Variants in AHNAK observed in about 807,000 individuals in gnomAD.
The protein encoded by AHNAK is AHNAK nucleoprotein, also known as neuroblast differentiation-associated protein AHNAK.
AHNAK carries 23 observed loss-of-function variants against 37.8 expected under a neutral mutation model. That is an observed-to-expected ratio of 0.61 (90% confidence interval 0.44 to 0.86). The LOEUF (loss-of-function observed/expected upper bound fraction) is 0.86. Among genes scored for constraint, AHNAK ranks in the 40% least tolerant of loss-of-function variants. AHNAK has a pLI of 0.00. For missense variants in AHNAK, 7,411 were observed against 7,319.4 expected, an observed-to-expected ratio of 1.01 and a Z score of -0.46; for synonymous variants, 2,481 against 2,636.3, an observed-to-expected ratio of 0.94 and a Z score of 1.80.
At chr11:62,479,393 C>A (rs1213700034) in intron 5 of AHNAK, among the ~76,000 whole-genome samples, 1 of 151,752 alleles carries the variant, frequency 6.6e-6, no homozygotes, top group East Asian at 1.9e-4. Context: ...TCTCGAACTC[C>A]TGACCTCAGG....
At position 62,522,508 on chromosome 11, in the gene AHNAK, A is replaced by T; in HGVS notation, c.11909T>A (p.Val3970Asp). ...DLDVSGPKVD[V>D]DVPDVNIEGP... ...TTCAATATTCACATCTGGAACATCA[A>T]CGTCCACCTTGGGTCCTGAGACGTC... The change falls in exon 5 of 5, where the codon GTT becomes GAT. Residue 3970 changes from valine (V) to aspartate (D), a missense_variant. Val to Asp is a radical substitution (Grantham distance 152, BLOSUM62 -3). Transcript: ENST00000378024. 1 of 1,613,470 alleles carries T rather than the reference A, an allele frequency of 6.2e-7. No individual in the cohort carries two copies. Among genetic ancestry groups the T allele is most frequent in the South Asian group, 1.1e-5 (1 of 91,038 alleles).
intron 5 of AHNAK, among the ~76,000 whole-genome samples, chr11:62,439,366 G>A (rs1296803972): frequency 6.6e-6 from 1 of 151,896 alleles, no homozygotes; most frequent in African/African-American, 2.4e-5. Flanking sequence ...AAAGTGCTGG[G>A]ATTACAGGCG....
In AHNAK at chr11:62,529,627, A is replaced by G. The variant is rs1940647959; in HGVS notation, c.4790T>C (p.Val1597Ala). Residue 1597 changes from valine to alanine, a missense_variant, in exon 5 of 5, where the codon GTA becomes GCA. Transcript: ENST00000378024. The stretch of plus-strand genomic sequence containing the variant: ...TTCCACTTTGGGAAGGGAAACATCT[A>G]CATCAGTTTTCAGTTTAGGGGCTTT... ...NLKAPKLKTD[V>A]DVSLPKVEGD... The G allele has an allele frequency of 1.2e-6, 2 of 1,614,148 alleles. No individual in the cohort carries two copies. Among genetic ancestry groups the G allele is most frequent in the African/African-American group, 1.3e-5 (1 of 75,042 alleles).
chr11:62,494,845 C>G (rs1939577360), intron 4 of AHNAK, among the ~76,000 whole-genome samples: 1 of 151,882 alleles, frequency 6.6e-6, no homozygotes, highest in African/African-American at 2.4e-5. Context: ...TACTAAAATA[C>G]AAAAATTAGC....
intron 5 of AHNAK, among the ~76,000 whole-genome samples, chr11:62,489,765 G>A (rs578161413): frequency 6.6e-6 from 1 of 152,168 alleles, no homozygotes; most frequent in Non-Finnish European, 1.5e-5. Flanking sequence ...CCCGGAGAGA[G>A]AGTCCCGAGT....
intron 5 of AHNAK, among the ~76,000 whole-genome samples, chr11:62,490,122 C>T (rs1939476031): frequency 6.6e-6 from 1 of 151,778 alleles, no homozygotes; most frequent in Admixed American, 6.6e-5. Flanking sequence ...GCAATGCTTT[C>T]CAGTTGGCTC....
At chr11:62,464,900 C>G (rs995594886) in intron 5 of AHNAK, among the ~76,000 whole-genome samples, 13 of 152,164 alleles carry the variant, frequency 8.5e-5, no homozygotes, top group African/African-American at 3.1e-4. Context: ...TTGCAGAACA[C>G]CTGGTCTCAG....
chr11:62,475,899 C>A (rs922886489), intron 5 of AHNAK, among the ~76,000 whole-genome samples: 10 of 152,144 alleles, frequency 6.6e-5, no homozygotes, highest in Non-Finnish European at 8.8e-5. Flanking sequence ...GCCACCGCCC[C>A]CGGCTATATA....
intron 5 of AHNAK, among the ~76,000 whole-genome samples, chr11:62,482,338 C>T (rs1294543577): frequency 6.6e-6 from 1 of 151,954 alleles, no homozygotes; most frequent in Admixed American, 6.6e-5. Context: ...TCATTTGAGC[C>T]CAGGAGGCAA....
At position 62,519,697 on chromosome 11, in the gene AHNAK, G is replaced by C; in HGVS notation, c.14720C>G (p.Pro4907Arg). 6.2e-7 allele frequency: 1 copy of C among 1,614,018 alleles called. No homozygotes were observed. Among genetic ancestry groups the C allele is most frequent in the Non-Finnish European group, 8.5e-7 (1 of 1,179,986 alleles). ...AKLSGPSLKM[P>R]SLEISAPKVT... is the part of the protein sequence containing the mutation. ...TTTAGGAGCAGATATCTCCAGCGATGGCATCTTCAAAGATGGGCCACTGAG... is the reference window on the plus strand; with the variant it reads ...TTTAGGAGCAGATATCTCCAGCGATCGCATCTTCAAAGATGGGCCACTGAG... The change falls in exon 5 of 5, where the codon CCA becomes CGA. Residue 4907 changes from proline to arginine, a missense_variant. Transcript: ENST00000378024.
chr11:62,465,323 A>G (rs1314717803), intron 5 of AHNAK, among the ~76,000 whole-genome samples: 2 of 152,140 alleles, frequency 1.3e-5, no homozygotes, highest in Non-Finnish European at 2.9e-5. Flanking sequence ...ATCAAATTTT[A>G]CCGTGCGGTC....
At chr11:62,455,078 G>A (rs1275312323) in intron 5 of AHNAK, among the ~76,000 whole-genome samples, 2 of 151,534 alleles carry the variant, frequency 1.3e-5, no homozygotes, top group African/African-American at 2.4e-5. Flanking sequence ...GATTACAGAC[G>A]TACGCCACCA....
In AHNAK at chr11:62,530,251, T is replaced by A. The variant is rs1243062927; in HGVS notation, c.4166A>T (p.Lys1389Met). ...TCCTTTGAAGCCGGGCATGCTGAAC[T>A]TGGGCATTTTCACCTTGGGCATCTT... ...HLKMPKVKMPKFSMPGFKGEG... is the reference protein window; with the variant it reads ...HLKMPKVKMPMFSMPGFKGEG... The change falls in exon 5 of 5, where the codon AAG (lysine) becomes ATG (methionine). Residue 1389 changes from lysine to methionine, a missense_variant. By Grantham distance (95) the Lys-to-Met change is moderately conservative. Coordinates refer to ENST00000378024, the MANE Select transcript of AHNAK (RefSeq NM_001620.3). 2 of 1,612,540 alleles carry A rather than the reference T, an allele frequency of 1.2e-6. No homozygotes were observed. The highest frequency in any genetic ancestry group is 8.5e-7 in the Non-Finnish European group (1 of 1,179,706).
At position 62,528,247 on chromosome 11, in the gene AHNAK, C is replaced by T. The variant is rs367666936; in HGVS notation, c.6170G>A (p.Ser2057Asn). Residue 2057 changes from serine to asparagine, a missense_variant, in exon 5 of 5, where the codon AGC becomes AAC. Physicochemically the swap from Ser to Asn is conservative, Grantham distance 46 (BLOSUM62 1). Transcript: ENST00000378024. ...KMPKMKMPKFSMPGFKAEGPE... is the reference protein window; with the variant it reads ...KMPKMKMPKFNMPGFKAEGPE... ...GCCCTCTGCTTTGAAGCCAGGCATG[C>T]TGAACTTGGGCATTTTCATCTTGGG... 3.7e-6 allele frequency: 6 copies of T among 1,614,000 alleles called. No homozygotes were observed. The African/African-American group carries it at 6.7e-5, about 18-fold the overall frequency.
At position 62,442,268 on chromosome 11, in the gene AHNAK, G is replaced by A. The variant is rs1160614552; in HGVS notation, c.443-8377C>T. 5.9e-5 allele frequency among the ~76,000 whole-genome samples: 9 copies of A among 152,216 alleles called. No homozygotes were observed. In the South Asian group the frequency reaches 6.2e-4, roughly 11 times the overall value. On this transcript the variant is annotated intron_variant, in intron 5 of 5. Transcript: ENST00000257247. The stretch of plus-strand genomic sequence containing the variant: ...TTTCAAAATAAATCTCTTTAGGGCC[G>A]GGCACAGCAGCTCACACCTGTAATC...
chr11:62,543,092 C>T (rs895132278), intron 1 of AHNAK, among the ~76,000 whole-genome samples: 1 of 152,148 alleles, frequency 6.6e-6, no homozygotes, highest in East Asian at 1.9e-4. Context: ...CTCCAGCCCC[C>T]GGGGGACCGG....
In AHNAK at chr11:62,529,840, T is replaced by C; in HGVS notation, c.4577A>G (p.Glu1526Gly). 1.9e-6 allele frequency: 3 copies of C among 1,614,062 alleles called. No homozygotes were observed. Among genetic ancestry groups the C allele is most frequent in the Non-Finnish European group, 2.5e-6 (3 of 1,180,008 alleles). Residue 1526 changes from glutamate to glycine, a missense_variant, in exon 5 of 5, where the codon GAG becomes GGG. By Grantham distance (98) the Glu-to-Gly change is moderately conservative (BLOSUM62 -2). Transcript: ENST00000378024. ...PKFSMPGFKG[E>G]GPEVDMNLPK... ...CAGGTTCATATCCACCTCTGGGCCC[T>C]CTCCTTTAAAGCCAGGCATGCTGAA...
At chr11:62,501,568 AAAAAT>A (rs1166708422) in intron 4 of AHNAK, among the ~76,000 whole-genome samples, 71 of 152,370 alleles carry the variant, frequency 4.7e-4, no homozygotes, top group Admixed American at 4.1e-3. Flanking sequence ...TCCATCTCAA[AAAAAT>A]AAAATAAAAG....
At position 62,523,125 on chromosome 11, in the gene AHNAK, A is replaced by T; in HGVS notation, c.11292T>A (p.Asp3764Glu). Residue 3764 changes from aspartate (D) to glutamate (E), a missense_variant, in exon 5 of 5, where the codon GAT becomes GAA. Transcript: ENST00000378024. ...LKGPKVKGDV[D>E]VSLPKMEGDL... ...CACCTTCCATTTTGGGCAGAGAAAC[A>T]TCCACATCGCCCTTGACTTTGGGGC... The T allele has an allele frequency of 1.2e-6, 2 of 1,613,994 alleles. No homozygotes were observed. The highest frequency in any genetic ancestry group is 1.6e-4 in the Middle Eastern group (1 of 6,062).
Sources: allele counts gnomAD v4.1 joint callset (sites outside exome capture counted in the v4.1 genomes callset), GRCh38; gene constraint gnomAD v4.1.1; transcripts MANE v1.5; gene names NCBI Gene and HGNC (gene_info 2026-07-23, HGNC 2026-07-21).